Variants in LPL observed in about 807,000 individuals in gnomAD.
LPL encodes the protein phospholipase A1.
Under a neutral mutation model 52.2 loss-of-function variants are expected in LPL, and 43 were observed. The observed-to-expected ratio is 0.82, with a 90% CI of 0.64 to 1.06. The LOEUF is 1.06. Among genes scored for constraint, LPL ranks in the 50% least tolerant of loss-of-function variants. LPL has a pLI of 0.00. For synonymous variants in LPL, 244 were observed against 215.6 expected (o/e 1.13, Z -1.15); for missense variants, 639 against 585.3 (o/e 1.09, Z -0.95).
chr8:19,962,343 A>C (rs770973340), intron 9 of LPL, 124 bp downstream of exon 9: 2 of 754,046 alleles, frequency 2.7e-6, no homozygotes, highest in Non-Finnish European at 2.4e-6. Flanking sequence ...CAAAGCATTC[A>C]ATCAGTCTTT....
intron 9 of LPL, 119 bp from the exon 10 acceptor site, chr8:19,965,191 C>G (rs1257804744): frequency 1.4e-6 from 1 of 729,306 alleles, no homozygotes; most frequent in Non-Finnish European, 2.6e-6. Flanking sequence ...ATTCTCACAA[C>G]CTTTGTTCTG....
Position 19,965,794 on chromosome 8 carries a change from A to G in LPL, c.*484A>G, listed in dbSNP as rs1323851291. 6.5e-6 allele frequency: 1 copy of G among 154,888 alleles called. No homozygotes were observed. The highest frequency in any genetic ancestry group is 1.4e-5 in the Non-Finnish European group (1 of 69,822). 9.6% of individuals were successfully genotyped at this position (154,888 alleles called of 1,614,324 possible). ...TCAGACTCATCTACACAGCAGTATG[A>G]ATGATGTTTTAGAATGATTCCCTCT... On this transcript the variant is annotated 3_prime_UTR_variant, in exon 10 of 10. Coordinates refer to ENST00000650287, the MANE Select transcript of LPL (RefSeq NM_000237.3).
intron 1 of LPL, chr8:19,946,568 T>C: frequency 3.2e-6 from 1 of 312,340 alleles, no homozygotes; most frequent in South Asian, 2.5e-5. Context: ...GATTTTTAAA[T>C]TTTGAGTTGA....
intron 1 of LPL, among the ~76,000 whole-genome samples, chr8:19,941,655 C>T (rs2069839746): frequency 1.3e-5 from 2 of 152,206 alleles, no homozygotes; most frequent in Admixed American, 1.3e-4. Flanking sequence ...TCCACTTTCA[C>T]TCTACTCACC....
Position 19,959,375 on chromosome 8 carries a change from C to T in LPL, c.1134C>T (p.Phe378=). 1 of 1,614,106 alleles carries T rather than the reference C, an allele frequency of 6.2e-7. No homozygotes were observed. The highest frequency in any genetic ancestry group is 2.2e-5 in the East Asian group (1 of 44,876). ...TGGCCGAGAGTGAGAACATCCCATT[C>T]ACTCTGTGAGTAGCACAGGGGGGCG... The part of the protein sequence containing the change: ...GTVAESENIP[F]TLPEVSTNKT... The change falls in exon 7 of 10, where the codon TTC becomes TTT. Residue 378 remains phenylalanine, a synonymous_variant. Coordinates refer to ENST00000650287, the MANE Select transcript of LPL (RefSeq NM_000237.3).
At chr8:19,960,223 T>G (rs1252282557) in intron 7 of LPL, among the ~76,000 whole-genome samples, 1 of 152,218 alleles carries the variant, frequency 6.6e-6, no homozygotes, top group East Asian at 1.9e-4. Flanking sequence ...CCATGCATCA[T>G]TCACGGCTAG....
intron 8 of LPL, 123 bp downstream of exon 8, chr8:19,961,206 T>C (rs918597451): frequency 9.6e-6 from 7 of 731,198 alleles, no homozygotes; most frequent in Non-Finnish European, 8.7e-6. Context: ...TTTATTACTG[T>C]ATGATGTAGA....
Position 19,965,328 on chromosome 8 carries a change from G to C in LPL, c.*18G>C, listed in dbSNP as rs186402360. 1.3e-5 allele frequency: 10 copies of C among 780,530 alleles called. No individual in the cohort carries two copies. The highest frequency in any genetic ancestry group is 2.3e-4 in the Middle Eastern group (1 of 4,442). The allele number at this position is 780,530 out of a possible 1,614,324, so 48.4% of individuals were successfully genotyped here. ...TTCTCAGAAACTGGGCGAATCTACA[G>C]AACAAAGAACGGCATGTGAATTCTG... On this transcript the variant is annotated 3_prime_UTR_variant, in exon 10 of 10. Coordinates refer to ENST00000650287, the MANE Select transcript of LPL (RefSeq NM_000237.3).
At chr8:19,942,732 G>A (rs1013053722) in intron 1 of LPL, among the ~76,000 whole-genome samples, 4 of 152,184 alleles carry the variant, frequency 2.6e-5, no homozygotes, top group East Asian at 1.9e-4. Context: ...TACTCTGAAC[G>A]ATGTCTGTTC....
In LPL at chr8:19,946,586, G is replaced by A. The variant is rs371696649; in HGVS notation, c.89-1594G>A. ...TTTTAAATTTTGAGTTGAAAAAAAA[G>A]AGCAAATTTAGATTAAGGAATGAGA... On this transcript the variant is annotated intron_variant, in intron 1 of 9. Transcript: ENST00000650287. 1,792 of 304,510 alleles carry A rather than the reference G, an allele frequency of 5.9e-3. 20 individuals carry two copies. The highest frequency in any genetic ancestry group is 8.8e-3 in the Middle Eastern group (21 of 2,400). The allele number at this position is 304,510 out of a possible 1,614,324, so 18.9% of individuals were successfully genotyped here. A position where few individuals can be genotyped will look rare whatever the true frequency, so the allele number is the denominator to read the frequency against.
In LPL at chr8:19,966,041, G is replaced by T. The variant is rs2070086172; in HGVS notation, c.*731G>T. On this transcript the variant is annotated 3_prime_UTR_variant, in exon 10 of 10. Transcript: ENST00000650287. Reference sequence around the variant, plus strand: ...CTCTCCCCCTTCTTTTTTGTCTCAAGATTATATTATAATAATGTTCTCTGG... The same window carrying T: ...CTCTCCCCCTTCTTTTTTGTCTCAATATTATATTATAATAATGTTCTCTGG... 6.6e-6 allele frequency: 1 copy of T among 151,056 alleles called. No homozygotes were observed. The highest frequency in any genetic ancestry group is 2.4e-5 in the African/African-American group (1 of 41,102). 9.4% of individuals were successfully genotyped at this position (151,056 alleles called of 1,614,324 possible).
intron 1 of LPL, among the ~76,000 whole-genome samples, chr8:19,943,279 G>A (rs897364995): frequency 2.6e-5 from 4 of 152,158 alleles, no homozygotes; most frequent in Admixed American, 2.0e-4. Flanking sequence ...TCGGAGGGAT[G>A]GTGGTGAATG....
chr8:19,941,216 C>T (rs1009090342), intron 1 of LPL, among the ~76,000 whole-genome samples: 3 of 152,234 alleles, frequency 2.0e-5, no homozygotes, highest in Non-Finnish European at 4.4e-5. Flanking sequence ...AGAAAGTCTT[C>T]AACATCTTAG....
At position 19,966,081 on chromosome 8, in the gene LPL, T is replaced by G. The variant is rs1308894308; in HGVS notation, c.*771T>G. 6.6e-6 allele frequency: 1 copy of G among 151,708 alleles called. No homozygotes were observed. The highest frequency in any genetic ancestry group is 1.5e-5 in the Non-Finnish European group (1 of 67,948). The allele number at this position is 151,708 out of a possible 1,614,324, so 9.4% of individuals were successfully genotyped here. A position where few individuals can be genotyped will look rare whatever the true frequency, so the allele number is the denominator to read the frequency against. On this transcript the variant is annotated 3_prime_UTR_variant, in exon 10 of 10. Transcript: ENST00000650287. ...ATGTTCTCTGGGTAGGTGTTGAAAA[T>G]GAGCCTGTAATCCTCAGCTGACACA...
intron 3 of LPL, among the ~76,000 whole-genome samples, 187 bp downstream of exon 3, chr8:19,952,135 C>A (rs1463476108): frequency 6.6e-6 from 1 of 152,090 alleles, no homozygotes; most frequent in Non-Finnish European, 1.5e-5. Flanking sequence ...GACTATAAGG[C>A]CAATAAATAG....
At chr8:19,947,787 C>G (rs1448413079) in intron 1 of LPL, among the ~76,000 whole-genome samples, 1 of 152,024 alleles carries the variant, frequency 6.6e-6, no homozygotes, top group Non-Finnish European at 1.5e-5. Flanking sequence ...CTCACCCTCC[C>G]ACTAATACCA....
At chr8:19,951,391 A>G (rs566057900) in intron 2 of LPL, among the ~76,000 whole-genome samples, 32 of 152,352 alleles carry the variant, frequency 2.1e-4, no homozygotes, top group African/African-American at 7.5e-4. Flanking sequence ...GACCAATTCA[A>G]CAGGGTTCTG....
intron 1 of LPL, among the ~76,000 whole-genome samples, chr8:19,947,009 T>A (rs1197099682): frequency 1.3e-5 from 2 of 152,190 alleles, no homozygotes; most frequent in African/African-American, 4.8e-5. Context: ...TGTGGAACAT[T>A]GTAATGACAT....
intron 1 of LPL, chr8:19,946,641 G>T: frequency 5.4e-6 from 1 of 186,632 alleles, no homozygotes. Context: ...TGAATCTCCT[G>T]AAATTTCGAA....
Sources: allele counts gnomAD v4.1 joint callset (sites outside exome capture counted in the v4.1 genomes callset), GRCh38; gene constraint gnomAD v4.1.1; transcripts MANE v1.5; gene names NCBI Gene and HGNC (gene_info 2026-07-23, HGNC 2026-07-21).